DTHD1: variants seen among roughly 807,000 people sequenced by gnomAD.
The protein encoded by DTHD1 is death domain containing 1.
Under a neutral mutation model 74.8 loss-of-function variants are expected in DTHD1, and 59 were observed. That is an observed-to-expected ratio of 0.79 (90% CI 0.64 to 0.98). The LOEUF is 0.98. Ranked by LOEUF, DTHD1 falls within the 50% of genes least tolerant of loss-of-function variation. DTHD1 has a pLI of 0.00. For synonymous variants in DTHD1, 365 were observed against 371.1 expected, an observed-to-expected ratio of 0.98 and a Z score of 0.19; for missense variants, 1,051 against 1,065.4, an observed-to-expected ratio of 0.99 and a Z score of 0.19.
chr4:36,304,483 G>A (rs1756937822), intron 5 of DTHD1, among the ~76,000 whole-genome samples: 1 of 152,170 alleles, frequency 6.6e-6, no homozygotes. Flanking sequence ...CTGAATCTAT[G>A]GGTCATAGGA....
At chr4:36,331,502 A>G (rs1034626793) in intron 8 of DTHD1, among the ~76,000 whole-genome samples, 2 of 152,190 alleles carry the variant, frequency 1.3e-5, no homozygotes, top group Non-Finnish European at 2.9e-5. Context: ...CTAATTATAT[A>G]TACTTTCTTA....
Position 36,340,365 on chromosome 4 carries a change from T to A in DTHD1, c.2398+1196T>A, listed in dbSNP as rs539505339. On this transcript the variant is annotated intron_variant, in intron 9 of 9. Transcript: ENST00000639862. Reference sequence around the variant, plus strand: ...GGATACAAGCTAGAACCCTGGTTCCTGCAATAGTCAAGGAAGAAGCTAGGT... The same window carrying A: ...GGATACAAGCTAGAACCCTGGTTCCAGCAATAGTCAAGGAAGAAGCTAGGT... Among the ~76,000 whole-genome samples the A allele has an allele frequency of 3.3e-5, 5 of 152,290 alleles. No individual in the cohort carries two copies. In the East Asian group the frequency reaches 9.6e-4, roughly 29 times the overall value.
At position 36,306,234 on chromosome 4, in the gene DTHD1, G is replaced by A; in HGVS notation, c.1687G>A (p.Glu563Lys). The A allele has an allele frequency of 1.9e-6, 3 of 1,551,870 alleles. No homozygotes were observed. The highest frequency in any genetic ancestry group is 2.6e-6 in the Non-Finnish European group (3 of 1,147,006). The change falls in exon 6 of 10, where the codon GAA (glutamate) becomes AAA (lysine). Residue 563 changes from glutamate to lysine, a missense_variant. Transcript: ENST00000639862. ...SIRKPRKNAS[E>K]CLKLLGFRSQ... ...AAGAAAACCTAGGAAAAATGCCAGT[G>A]AATGTTTGAAATTACTGGGATTCAG...
chr4:36,301,834 G>A (rs372563457), intron 5 of DTHD1, among the ~76,000 whole-genome samples: 92 of 151,632 alleles, frequency 6.1e-4, no homozygotes, highest in African/African-American at 1.0e-3. Flanking sequence ...TTATTGAAAC[G>A]TTTCTGTTGG....
intron 7 of DTHD1, among the ~76,000 whole-genome samples, chr4:36,310,710 C>T (rs1346496693): frequency 6.6e-6 from 1 of 152,158 alleles, no homozygotes; most frequent in Admixed American, 6.5e-5. Flanking sequence ...TGATGCTGCC[C>T]TCCCAGCTTT....
At chr4:36,290,041 T>A (rs898008114) in intron 2 of DTHD1, among the ~76,000 whole-genome samples, 3 of 152,200 alleles carry the variant, frequency 2.0e-5, no homozygotes, top group Admixed American at 6.5e-5. Context: ...TGTGGAATAA[T>A]CAATTGCTTA....
At chr4:36,304,194 A>G (rs1268307744) in intron 5 of DTHD1, among the ~76,000 whole-genome samples, 3 of 152,238 alleles carry the variant, frequency 2.0e-5, no homozygotes, top group African/African-American at 7.2e-5. Context: ...CAGAAAAGAA[A>G]GTGAATGAAT....
intron 8 of DTHD1, among the ~76,000 whole-genome samples, chr4:36,328,495 C>G (rs1185183978): frequency 6.8e-6 from 1 of 147,324 alleles, no homozygotes; most frequent in East Asian, 1.9e-4. Flanking sequence ...CGTGTGCATG[C>G]CTGTGGGCAT....
intron 8 of DTHD1, among the ~76,000 whole-genome samples, chr4:36,320,493 G>A (rs1757980795): frequency 6.6e-6 from 1 of 152,148 alleles, no homozygotes. Context: ...TTAAACTTCT[G>A]CTGTCTTTCA....
intron 8 of DTHD1, among the ~76,000 whole-genome samples, chr4:36,328,931 G>T (rs1376170993): frequency 3.3e-5 from 5 of 152,140 alleles, no homozygotes; most frequent in Admixed American, 6.5e-5. Context: ...ACTGATGTAG[G>T]CCCTGTCATT....
rs927581734 is a variant in DTHD1, at chr4:36,281,858, C to A, written c.100C>A (p.Leu34Ile). Residue 34 changes from leucine to isoleucine, a missense_variant, in exon 1 of 10, where the codon CTT becomes ATT. By Grantham distance (5) the Leu-to-Ile change is conservative. Transcript: ENST00000639862. ...AAAGCAGGCACTCTTGGGTGATGAC[C>A]TTTGTGAGGGGGCTGGTGGGGCCAC... ...MLKQALLGDD[L>I]CEGAGGATWM... 2 of 1,266,284 alleles carry A rather than the reference C, an allele frequency of 1.6e-6. No individual in the cohort carries two copies. The highest frequency in any genetic ancestry group is 1.5e-5 in the African/African-American group (1 of 65,458). The allele number at this position is 1,266,284 out of a possible 1,614,324, so 78.4% of individuals were successfully genotyped here.
At chr4:36,335,687 C>A (rs1758971650) in intron 8 of DTHD1, among the ~76,000 whole-genome samples, 1 of 152,096 alleles carries the variant, frequency 6.6e-6, no homozygotes, top group Non-Finnish European at 1.5e-5. Flanking sequence ...TGAAAAGCCC[C>A]AAGGAGGGTT....
chr4:36,313,237 A>G (rs967495893), intron 7 of DTHD1, among the ~76,000 whole-genome samples: 1 of 152,206 alleles, frequency 6.6e-6, no homozygotes, highest in African/African-American at 2.4e-5. Flanking sequence ...GGAACTTTTT[A>G]CATGACAAGT....
intron 5 of DTHD1, among the ~76,000 whole-genome samples, chr4:36,301,803 T>C (rs1205230237): frequency 6.6e-6 from 1 of 152,120 alleles, no homozygotes; most frequent in Non-Finnish European, 1.5e-5. Flanking sequence ...ACTCCCTTTT[T>C]TTTTTTCCTG....
chr4:36,323,815 T>C (rs1301867760), intron 8 of DTHD1, among the ~76,000 whole-genome samples: 1 of 152,150 alleles, frequency 6.6e-6, no homozygotes, highest in Non-Finnish European at 1.5e-5. Flanking sequence ...ACTAGGTTCT[T>C]GGTAAGTAGA....
chr4:36,312,943 T>C (rs1757488170), intron 7 of DTHD1, among the ~76,000 whole-genome samples: 1 of 152,182 alleles, frequency 6.6e-6, no homozygotes, highest in South Asian at 2.1e-4. Flanking sequence ...TACTGTTTAA[T>C]TGCAGTAAAC....
At chr4:36,315,237 G>C (rs1578469384) in intron 7 of DTHD1, among the ~76,000 whole-genome samples, 1 of 152,120 alleles carries the variant, frequency 6.6e-6, no homozygotes, top group African/African-American at 2.4e-5. Context: ...GTAAGTGAAA[G>C]GTTATGTTCA....
intron 5 of DTHD1, among the ~76,000 whole-genome samples, chr4:36,301,123 G>C (rs1273518261): frequency 6.6e-6 from 1 of 152,110 alleles, no homozygotes; most frequent in Admixed American, 6.6e-5. Flanking sequence ...TTGTTTATGA[G>C]GTACTTAGGC....
At chr4:36,314,472 C>T (rs892804328) in intron 7 of DTHD1, among the ~76,000 whole-genome samples, 4 of 142,462 alleles carry the variant, frequency 2.8e-5, no homozygotes, top group Admixed American at 7.5e-5. Context: ...CAGGAGAGTT[C>T]GAGACCAGCC....
Sources: gnomAD v4.1 joint callset for allele counts (sites outside exome capture counted in the v4.1 genomes callset) on GRCh38, gnomAD v4.1.1 for gene constraint, MANE v1.5 for transcripts, NCBI Gene and HGNC (gene_info 2026-07-23, HGNC 2026-07-21) for gene names.